DST: variants seen among roughly 807,000 people sequenced by gnomAD.
DST encodes the protein dystonin.
DST carries 253 observed loss-of-function variants against 875.2 expected under a neutral mutation model. That is an observed-to-expected ratio of 0.29 (90% CI 0.26 to 0.32). The LOEUF (loss-of-function observed/expected upper bound fraction) is 0.32, where lower values mean the gene tolerates loss of function less well. Among genes scored for constraint, DST ranks in the 10% least tolerant of loss-of-function variants. The pLI, the probability that DST is intolerant of heterozygous loss-of-function variation, is 1.00. For synonymous variants in DST, 3,124 were observed against 3,197.1 expected, an observed-to-expected ratio of 0.98 and a Z score of 0.77; for missense variants, 8,287 against 9,111.6, an observed-to-expected ratio of 0.91 and a Z score of 3.68.
At chr6:56,617,354 G>A (rs1563219260) in intron 36 of DST, 1 of 1,613,936 alleles carries the variant, frequency 6.2e-7, no homozygotes, top group Non-Finnish European at 8.5e-7. Context: ...ACTGGGAACT[G>A]GGTTCTTTTC....
intron 22 of DST, 44 bp downstream of exon 22, chr6:56,639,215 T>C (rs755537256): frequency 1.4e-6 from 2 of 1,455,524 alleles, no homozygotes; most frequent in Admixed American, 3.4e-5. Flanking sequence ...AGGGAAATAA[T>C]CATATCAATA....
chr6:56,693,308 A>T (rs2099244428), intron 9 of DST: 2 of 1,171,444 alleles, frequency 1.7e-6, no homozygotes, highest in Middle Eastern at 2.7e-4. Flanking sequence ...GCTTATGAGA[A>T]AGGCACACAC....
At chr6:56,539,397 T>C (rs1468551802) in intron 61 of DST, among the ~76,000 whole-genome samples, 8 of 152,132 alleles carry the variant, frequency 5.3e-5, no homozygotes, top group Admixed American at 5.2e-4. Context: ...ACTGCATGTC[T>C]AAGAAAAAGG....
chr6:56,578,202 C>A (rs909711390), intron 50 of DST, among the ~76,000 whole-genome samples: 2 of 150,264 alleles, frequency 1.3e-5, no homozygotes, highest in Non-Finnish European at 2.9e-5. Context: ...GAGACCCCAT[C>A]TCTACAAAAA....
intron 12 of DST, 22 bp downstream of exon 12, chr6:56,650,904 G>A (rs1188422560): frequency 6.8e-7 from 1 of 1,468,866 alleles, no homozygotes; most frequent in Non-Finnish European, 9.5e-7. Flanking sequence ...ACAGCTTCCG[G>A]TGTGGAAAAA....
intron 82 of DST, among the ~76,000 whole-genome samples, chr6:56,494,851 TA>T (rs1447579418): frequency 6.6e-6 from 1 of 152,040 alleles, no homozygotes; most frequent in Non-Finnish European, 1.5e-5. Context: ...ACTTCTCATT[TA>T]AAAAATTAAG....
chr6:56,639,342 G>C lies in DST; in HGVS notation c.2881C>G (p.Gln961Glu). The C allele has an allele frequency of 6.2e-7, 1 of 1,613,420 alleles. No homozygotes were observed. Among genetic ancestry groups the C allele is most frequent in the Non-Finnish European group, 8.5e-7 (1 of 1,179,704 alleles). Reference protein sequence around the residue: ...YHAELMRELDQKEENIKSVQE... With the variant: ...YHAELMRELDEKEENIKSVQE... ...ACTGATTTAATATTTTCTTCCTTTTGATCAAGTTCTCTCATTAATTCCTTC... is the reference window on the plus strand; with the variant it reads ...ACTGATTTAATATTTTCTTCCTTTTCATCAAGTTCTCTCATTAATTCCTTC... The change falls in exon 22 of 104, where the codon CAA (glutamine) becomes GAA (glutamate). Residue 961 changes from glutamine (Q) to glutamate (E), a missense_variant. By Grantham distance (29) the Gln-to-Glu change is conservative (BLOSUM62 2). Around this residue, in one of 10 missense-constraint regions of DST, gnomAD observed 1,160 missense variants for 1,424.3 expected, o/e 0.81. Transcript: ENST00000680361.
chr6:56,633,384 G>A (rs1296251811), intron 27 of DST, among the ~76,000 whole-genome samples: 1 of 150,308 alleles, frequency 6.7e-6, no homozygotes, highest in East Asian at 1.9e-4. Flanking sequence ...CTGCCACTAC[G>A]CCCGGCTAAT....
chr6:56,509,992 C>G, intron 73 of DST, 119 bp from the exon 74 acceptor site: 1 of 814,620 alleles, frequency 1.2e-6, no homozygotes. Flanking sequence ...ATCTTAGCCT[C>G]TTTATCAACA....
chr6:56,697,714 C>T (rs2099271795), intron 9 of DST, among the ~76,000 whole-genome samples: 1 of 152,210 alleles, frequency 6.6e-6, no homozygotes. Flanking sequence ...AATTCAGACA[C>T]AGCCTACCTC....
intron 3 of DST, among the ~76,000 whole-genome samples, chr6:56,894,967 T>C (rs1790374101): frequency 1.0e-5 from 1 of 97,210 alleles, no homozygotes; most frequent in Non-Finnish European, 2.0e-5. Flanking sequence ...ACGGGGCGGC[T>C]GGCCAGGCGG....
In DST at chr6:56,606,782, G is replaced by T; in HGVS notation, c.7846C>A (p.Pro2616Thr). ...TCATGGTCATCATCTTCAAACAAGG[G>T]AGTATCATAAAAATCATCATCACTA... Reference protein sequence around the residue: ...TDSDDDFYDTPLFEDDDHDSL... With the variant: ...TDSDDDFYDTTLFEDDDHDSL... The change falls in exon 40 of 104, where the codon CCC (proline) becomes ACC (threonine). Residue 2616 changes from proline (P) to threonine (T), a missense_variant. Around this residue, in one of 10 missense-constraint regions of DST, gnomAD observed 3,138 missense variants for 3,116.6 expected, o/e 1.01. Coordinates refer to ENST00000680361, the MANE Select transcript of DST (RefSeq NM_001374736.1). 6.2e-7 allele frequency: 1 copy of T among 1,613,252 alleles called. No homozygotes were observed. The highest frequency in any genetic ancestry group is 1.1e-5 in the South Asian group (1 of 91,048).
intron 49 of DST, among the ~76,000 whole-genome samples, chr6:56,587,350 A>T (rs2098175387): frequency 6.6e-6 from 1 of 152,236 alleles, no homozygotes; most frequent in South Asian, 2.1e-4. Flanking sequence ...GCAAGAAGGG[A>T]AGTTCAGAGA....
intron 2 of DST, 149 bp downstream of exon 2, chr6:56,953,636 C>G (rs901084006): frequency 2.1e-6 from 1 of 486,346 alleles, no homozygotes; most frequent in African/African-American, 2.1e-5. Context: ...AATATGAAAT[C>G]ACTTAAAAGG....
At chr6:56,746,770 T>C (rs2099573681) in intron 4 of DST, among the ~76,000 whole-genome samples, 2 of 152,166 alleles carry the variant, frequency 1.3e-5, no homozygotes, top group East Asian at 1.9e-4. Flanking sequence ...GAGGGAAAAA[T>C]GTGTTTCAGG....
rs889231859 is a variant in DST, at chr6:56,604,192, C to T, written c.10436G>A (p.Gly3479Asp). ...CAGTGGAAGTACTTTAGACGTAATG[C>T]CTCTTTTCTCTAGGTCATACTCCAT... ...THMEYDLEKRGITSKVLPLQL... is the reference protein window; with the variant it reads ...THMEYDLEKRDITSKVLPLQL... The change falls in exon 40 of 104, where the codon GGC becomes GAC. Residue 3479 changes from glycine to aspartate, a missense_variant. Physicochemically the swap from Gly to Asp is moderately conservative, Grantham distance 94. Coordinates refer to ENST00000680361, the MANE Select transcript of DST (RefSeq NM_001374736.1). 3.1e-6 allele frequency: 5 copies of T among 1,603,060 alleles called. No homozygotes were observed. In the East Asian group the frequency reaches 9.0e-5, roughly 29 times the overall value.
At chr6:56,683,819 A>C (rs1045768391) in intron 9 of DST, among the ~76,000 whole-genome samples, 1 of 152,256 alleles carries the variant, frequency 6.6e-6, no homozygotes, top group Non-Finnish European at 1.5e-5. Context: ...ACCAATGCAC[A>C]AAAGTGTCCA....
chr6:56,540,441 T>C (rs2097106764), intron 61 of DST: 1 of 152,640 alleles, frequency 6.6e-6, no homozygotes, highest in African/African-American at 2.4e-5. Context: ...ACTTCCTCTT[T>C]AGATGCAATG....
intron 10 of DST, among the ~76,000 whole-genome samples, chr6:56,660,195 C>T (rs989597236): frequency 2.6e-5 from 4 of 152,162 alleles, no homozygotes; most frequent in Admixed American, 6.5e-5. Flanking sequence ...CCTGAAGTAT[C>T]GCTTTCTCTG....
Sources: allele counts gnomAD v4.1 joint callset (sites outside exome capture counted in the v4.1 genomes callset), GRCh38; gene constraint gnomAD v4.1.1; regional missense constraint gnomAD v4.1.1; transcripts MANE v1.5; gene names NCBI Gene and HGNC (gene_info 2026-07-23, HGNC 2026-07-21).